Variants in NLRP1 observed in about 807,000 individuals in gnomAD.
NLRP1 encodes NLR family pyrin domain containing 1, also known as NACHT, LRR and PYD domains-containing protein 1.
NLRP1 carries 94 observed loss-of-function variants against 136.7 expected under a neutral mutation model. That is an observed-to-expected ratio of 0.69 (90% CI 0.58 to 0.82). The LOEUF is 0.82. Among genes scored for constraint, NLRP1 ranks in the 40% least tolerant of loss-of-function variants. The pLI, the probability that NLRP1 is intolerant of heterozygous loss-of-function variation, is 0.00. For missense variants in NLRP1, 1,575 were observed against 1,802.7 expected (o/e 0.87, Z 2.29); for synonymous variants, 690 against 725.1 (o/e 0.95, Z 0.78).
chr17:5,502,081 C>T (rs1416715548), intron 15 of NLRP1: 1 of 514,914 alleles, frequency 1.9e-6, no homozygotes, highest in Non-Finnish European at 3.6e-6. Context: ...TATCCTACAG[C>T]GTTGCCAGGG....
rs144711602 is a variant in NLRP1, at chr17:5,517,830, C to T, written c.3973G>A (p.Val1325Ile). Residue 1325 changes from valine (V) to isoleucine (I), a missense_variant, in exon 15 of 17, where the codon GTT becomes ATT. Physicochemically the swap from Val to Ile is conservative, Grantham distance 29. Transcript: ENST00000572272. ...GEDQLFSEFY[V>I]GHLGSGIRLQ... ...CTGATCCCTGATCCCAAGTGGCCAA[C>T]GTAGAACTCCGAGAACAGCTGGTCT... The T allele has an allele frequency of 9.4e-4, 1,513 of 1,614,202 alleles. 3 individuals are homozygous for T. The highest frequency in any genetic ancestry group is 1.1e-3 in the Non-Finnish European group (1,356 of 1,180,016).
At chr17:5,544,288 C>A (rs555322260) in intron 5 of NLRP1, among the ~76,000 whole-genome samples, 1 of 152,188 alleles carries the variant, frequency 6.6e-6, no homozygotes, top group African/African-American at 2.4e-5. Context: ...CAGCCTTTCT[C>A]GATTTGGGCT....
At position 5,581,980 on chromosome 17, in the gene NLRP1, G is replaced by T. The variant is rs1336566238; in HGVS notation, c.531C>A (p.Pro177=). ...AGCTCCCCAGCACTGCTGTGGATGT[G>T]GGGGCGTTGGGTGACTCCTGGCTTG... ...ESPSQESPNA[P]TSTAVLGSWG... Residue 177 remains proline, a synonymous_variant, in exon 3 of 17, where the codon CCC becomes CCA. Transcript: ENST00000572272. The T allele has an allele frequency of 6.2e-7, 1 of 1,613,592 alleles. No homozygotes were observed. Among genetic ancestry groups the T allele is most frequent in the Non-Finnish European group, 8.5e-7 (1 of 1,179,828 alleles).
intron 12 of NLRP1, among the ~76,000 whole-genome samples, chr17:5,527,219 T>TA (rs1316250720): frequency 6.6e-6 from 1 of 152,188 alleles, no homozygotes; most frequent in Non-Finnish European, 1.5e-5. Flanking sequence ...GCCACACATG[T>TA]AAAATATACT....
chr17:5,554,164 A>G (rs1002662844), intron 4 of NLRP1, among the ~76,000 whole-genome samples: 9 of 152,070 alleles, frequency 5.9e-5, no homozygotes, highest in Admixed American at 2.6e-4. Context: ...ATGGGACCCT[A>G]TCCCCTTCCC....
chr17:5,542,203 A>G (rs1263176200), intron 5 of NLRP1, among the ~76,000 whole-genome samples, 176 bp from the exon 6 acceptor site: 1 of 151,568 alleles, frequency 6.6e-6, no homozygotes, highest in Non-Finnish European at 1.5e-5. Context: ...ATAGAAACAC[A>G]TAATAGTTAG....
intron 4 of NLRP1, among the ~76,000 whole-genome samples, chr17:5,556,326 C>T (rs1170340698): frequency 2.0e-5 from 3 of 151,986 alleles, no homozygotes; most frequent in Non-Finnish European, 4.4e-5. Context: ...TGTTGGCATG[C>T]TCCTGTAGTC....
intron 5 of NLRP1, among the ~76,000 whole-genome samples, chr17:5,550,138 G>T (rs1337379658): frequency 2.0e-5 from 2 of 99,806 alleles, no homozygotes; most frequent in Non-Finnish European, 4.4e-5. Flanking sequence ...TTGGCCTGCA[G>T]ATTTTTTTTT....
chr17:5,530,108 A>G (rs954092603), intron 12 of NLRP1: 4 of 460,016 alleles, frequency 8.7e-6, no homozygotes, highest in Non-Finnish European at 1.7e-5. Context: ...TGTTGCCCCA[A>G]CATTCTTCGT....
chr17:5,510,073 C>CTTCT (rs1232520935), downstream of NLRP1, among the ~76,000 whole-genome samples: 1 of 147,160 alleles, frequency 6.8e-6, no homozygotes, highest in African/African-American at 2.5e-5. Context: ...TCTTCTTCTT[C>CTTCT]TTTTTTTTTT....
At chr17:5,518,405 C>T (rs1181477304) in intron 14 of NLRP1, 1 of 153,478 alleles carries the variant, frequency 6.5e-6, no homozygotes, top group Admixed American at 6.5e-5. Flanking sequence ...AAGTCCTTCC[C>T]TACACAGGCA....
At position 5,539,420 on chromosome 17, in the gene NLRP1, G is replaced by C; in HGVS notation, c.2865C>G (p.Arg955=). The part of the protein sequence containing the change: ...GLRHPACKLI[R]LGLDQTTLSD... ...AGGGACCCACAGGGCCTTACCCCAG[G>C]CGTATGAGTTTGCAGGCAGGATGCC... The change falls in exon 7 of 17, where the codon CGC becomes CGG. Residue 955 remains arginine (R), a synonymous_variant. Transcript: ENST00000572272. The C allele has an allele frequency of 6.2e-7, 1 of 1,612,114 alleles. No individual in the cohort carries two copies. Among genetic ancestry groups the C allele is most frequent in the Non-Finnish European group, 8.5e-7 (1 of 1,179,022 alleles).
intron 3 of NLRP1, among the ~76,000 whole-genome samples, chr17:5,573,845 C>T (rs948944714): frequency 6.6e-6 from 1 of 152,084 alleles, no homozygotes; most frequent in Non-Finnish European, 1.5e-5. Flanking sequence ...GATAAAACCA[C>T]AAAGATGGGG....
At chr17:5,562,382 C>G (rs554061729) in intron 3 of NLRP1, among the ~76,000 whole-genome samples, 12 of 152,210 alleles carry the variant, frequency 7.9e-5, no homozygotes, top group Non-Finnish European at 1.3e-4. Flanking sequence ...GGAGGTATGC[C>G]TCTCTCTGCA....
chr17:5,561,484 C>T (rs1382306946), intron 3 of NLRP1, among the ~76,000 whole-genome samples: 4 of 38,900 alleles, frequency 1.0e-4, no homozygotes, highest in African/African-American at 1.9e-4. Context: ...TCGCCCAGGC[C>T]GGACTGCGGA....
At chr17:5,570,207 CAA>C (rs901142555) in intron 3 of NLRP1, among the ~76,000 whole-genome samples, 1 of 151,826 alleles carries the variant, frequency 6.6e-6, no homozygotes, top group Non-Finnish European at 1.5e-5. Flanking sequence ...ATTAGAAAAA[CAA>C]GAGCAAGATC....
At position 5,530,660 on chromosome 17, in the gene NLRP1, C is replaced by G; in HGVS notation, c.3341G>C (p.Gly1114Ala). The G allele has an allele frequency of 6.2e-7, 1 of 1,614,210 alleles. No individual in the cohort carries two copies. Among genetic ancestry groups the G allele is most frequent in the Non-Finnish European group, 8.5e-7 (1 of 1,180,042 alleles). ...CGCTTCTCTCATCACAAAGCAGAGA[C>G]CCGTGTTGGGCCAGCGGTAGGAGCC... The part of the protein sequence containing the change: ...VAGSYRWPNT[G>A]LCFVMREAVT... The change falls in exon 12 of 17, where the codon GGT (glycine) becomes GCT (alanine). Residue 1114 changes from glycine to alanine, a missense_variant. By Grantham distance (60) the Gly-to-Ala change is moderately conservative (BLOSUM62 0). Coordinates refer to ENST00000572272, the MANE Select transcript of NLRP1 (RefSeq NM_033004.4).
chr17:5,559,667 C>T lies in NLRP1; in HGVS notation c.1029G>A (p.Leu343=), dbSNP rs1329659536. Residue 343 remains leucine, a synonymous_variant, in exon 4 of 17, where the codon CTG becomes CTA. Coordinates refer to ENST00000572272, the MANE Select transcript of NLRP1 (RefSeq NM_033004.4). The stretch of plus-strand genomic sequence containing the variant: ...CCCAGGCTTCCTTCACCTGCCTGGC[C>T]AGTGTTGACTTCCCAATTCCAGCAG... ...QGAAGIGKST[L]ARQVKEAWGR... 1 of 1,614,260 alleles carries T rather than the reference C, an allele frequency of 6.2e-7. No homozygotes were observed. Among genetic ancestry groups the T allele is most frequent in the Admixed American group, 1.7e-5 (1 of 60,026 alleles).
intron 3 of NLRP1, among the ~76,000 whole-genome samples, chr17:5,574,822 C>T (rs563643136): frequency 5.9e-5 from 9 of 151,890 alleles, no homozygotes; most frequent in South Asian, 2.1e-4. Flanking sequence ...CCATCACGCC[C>T]GGCTAATTTT....
Sources: allele counts gnomAD v4.1 joint callset (sites outside exome capture counted in the v4.1 genomes callset), GRCh38; gene constraint gnomAD v4.1.1; transcripts MANE v1.5; gene names NCBI Gene and HGNC (gene_info 2026-07-23, HGNC 2026-07-21).